The following ACSF3 variants were observed in gnomAD, a reference collection of about 807,000 sequenced individuals.
The protein encoded by ACSF3 is malonate--CoA ligase ACSF3, mitochondrial.
ACSF3 carries 78 observed loss-of-function variants against 53.2 expected under a neutral mutation model. That is an observed-to-expected ratio of 1.47 (90% CI 1.22 to 1.77). ACSF3 has a LOEUF of 1.77. Ranked by LOEUF, ACSF3 falls within the 40% of genes most tolerant of loss-of-function variation. The pLI is 0.00. For synonymous variants in ACSF3, 414 were observed against 333.1 expected, an observed-to-expected ratio of 1.24 and a Z score of -2.65; for missense variants, 937 against 771.1, an observed-to-expected ratio of 1.22 and a Z score of -2.55.
intron 10 of ACSF3, chr16:89,147,797 T>A: frequency 6.6e-6 from 1 of 152,130 alleles, no homozygotes; most frequent in Non-Finnish European, 1.5e-5. Context: ...AAATCTTACG[T>A]CCTTTTTACA....
chr16:89,120,936 G>C, intron 7 of ACSF3, 23 bp downstream of exon 7: 1 of 1,607,228 alleles, frequency 6.2e-7, no homozygotes, highest in African/African-American at 1.3e-5. Flanking sequence ...GCTCTTGGCA[G>C]GTGGGCGGCC....
Position 89,112,173 on chromosome 16 carries a change from G to A in ACSF3, c.904G>A (p.Glu302Lys). 1 of 1,303,212 alleles carries A rather than the reference G, an allele frequency of 7.7e-7. No homozygotes were observed. Among genetic ancestry groups the A allele is most frequent in the East Asian group, 3.0e-5 (1 of 33,138 alleles). The allele number at this position is 1,303,212 out of a possible 1,614,324, so 80.7% of individuals were successfully genotyped here. The stretch of plus-strand genomic sequence containing the variant: ...GCCTACAATATACACCAAGCTGATG[G>A]AGTACTACGACAGGCATTTTACCCA... ...AVPTIYTKLM[E>K]YYDRHFTQPH... is the part of the protein sequence containing the mutation. The change falls in exon 5 of 11, where the codon GAG (glutamate) becomes AAG (lysine). Residue 302 changes from glutamate (E) to lysine (K), a missense_variant. Physicochemically the swap from Glu to Lys is moderately conservative, Grantham distance 56. Coordinates refer to ENST00000614302, the MANE Select transcript of ACSF3 (RefSeq NM_001243279.3).
At chr16:89,136,854 A>G (rs1910598548) in intron 8 of ACSF3, 1 of 1,279,766 alleles carries the variant, frequency 7.8e-7, no homozygotes, top group African/African-American at 1.5e-5. Flanking sequence ...GGCCACAACG[A>G]TGTCTTCAGA....
Position 89,146,000 on chromosome 16 carries a change from C to G in ACSF3, c.1564C>G (p.Leu522Val). 1 of 1,613,750 alleles carries G rather than the reference C, an allele frequency of 6.2e-7. No homozygotes were observed. The highest frequency in any genetic ancestry group is 8.5e-7 in the Non-Finnish European group (1 of 1,179,896). Residue 522 changes from leucine to valine, a missense_variant, in exon 10 of 11, where the codon CTC (leucine) becomes GTC (valine). Transcript: ENST00000614302. ...CCAGCGGGTCACTGCTGTGGTGACC[C>G]TCCGAGAAGGACACTCACTGTCCCA... ...WGQRVTAVVT[L>V]REGHSLSHRE... is the part of the protein sequence containing the mutation.
At chr16:89,135,377 A>G (rs965549150) in intron 8 of ACSF3, among the ~76,000 whole-genome samples, 3 of 152,220 alleles carry the variant, frequency 2.0e-5, no homozygotes, top group Non-Finnish European at 2.9e-5. Flanking sequence ...GCTGTGAGGC[A>G]GGTGTGCTAG....
At chr16:89,096,216 T>C (rs1252892720) in intron 1 of ACSF3, among the ~76,000 whole-genome samples, 1 of 124,550 alleles carries the variant, frequency 8.0e-6, no homozygotes, top group Admixed American at 8.9e-5. Flanking sequence ...GGGTGCTGCG[T>C]AGCAGGGGTA....
intron 4 of ACSF3, 76 bp downstream of exon 4, chr16:89,102,835 C>T (rs1290900759): frequency 1.0e-5 from 16 of 1,575,568 alleles, no homozygotes; most frequent in African/African-American, 9.4e-5. Context: ...GGCTCTCAGC[C>T]GCGCCCTCAG....
intron 7 of ACSF3, among the ~76,000 whole-genome samples, chr16:89,126,148 T>C (rs1015525817): frequency 4.6e-5 from 7 of 152,240 alleles, no homozygotes; most frequent in African/African-American, 1.7e-4. Context: ...AGCATATAGA[T>C]GCTGTACTTG....
At chr16:89,116,672 CG>C (rs1905171850) in intron 6 of ACSF3, among the ~76,000 whole-genome samples, 1 of 152,028 alleles carries the variant, frequency 6.6e-6, no homozygotes, top group Admixed American at 6.6e-5. Context: ...GGGCAGTGGG[CG>C]GGTGGGGGCA....
intron 4 of ACSF3, 80 bp downstream of exon 4, chr16:89,102,839 C>G (rs1567688541): frequency 1.3e-6 from 2 of 1,572,430 alleles, no homozygotes; most frequent in East Asian, 4.5e-5. Flanking sequence ...CTCAGCCGCG[C>G]CCTCAGCCTA....
At chr16:89,126,799 AC>A (rs1421191214) in intron 7 of ACSF3, among the ~76,000 whole-genome samples, 1 of 152,224 alleles carries the variant, frequency 6.6e-6, no homozygotes, top group Non-Finnish European at 1.5e-5. Context: ...CAAAGCCCTG[AC>A]TAGGACTTCC....
At position 89,155,515 on chromosome 16, in the gene ACSF3, C is replaced by G. The variant is rs187126304; in HGVS notation, c.*1308C>G. 1,288 of 454,136 alleles carry G rather than the reference C, an allele frequency of 2.8e-3. 4 individuals are homozygous for G. Among genetic ancestry groups the G allele is most frequent in the Non-Finnish European group, 4.1e-3 (921 of 226,788 alleles). 28.1% of individuals were successfully genotyped at this position (454,136 alleles called of 1,614,324 possible). A position where few individuals can be genotyped will look rare whatever the true frequency, so the allele number is the denominator to read the frequency against. On this transcript the variant is annotated 3_prime_UTR_variant, in exon 11 of 11. Transcript: ENST00000614302. ...TGTTTTCCAGGACTGGTGGGTGCCCCAGTCCACGGCCCTGCCCCACCCGAA... is the reference window on the plus strand; with the variant it reads ...TGTTTTCCAGGACTGGTGGGTGCCCGAGTCCACGGCCCTGCCCCACCCGAA...
intron 5 of ACSF3, 41 bp from the exon 6 acceptor site, chr16:89,114,298 C>G: frequency 6.2e-7 from 1 of 1,612,466 alleles, no homozygotes; most frequent in Non-Finnish European, 8.5e-7. Flanking sequence ...GCGAGAGCCA[C>G]GTCCCAAGGG....
rs952400768 is a variant in ACSF3 at position 89,155,865 on chromosome 16, C to G, written c.*1658C>G. 1.2e-4 allele frequency: 49 copies of G among 424,372 alleles called. 1 individual carries two copies. Among genetic ancestry groups the G allele is most frequent in the African/African-American group, 9.3e-4 (45 of 48,644 alleles). The allele number at this position is 424,372 out of a possible 1,614,324, so 26.3% of individuals were successfully genotyped here. On this transcript the variant is annotated 3_prime_UTR_variant, in exon 11 of 11. Transcript: ENST00000614302. ...CGATAGTATACATCAGTATATCATGCTTTCGAAATAATGAGTGTAACTTTC... is the reference window on the plus strand; with the variant it reads ...CGATAGTATACATCAGTATATCATGGTTTCGAAATAATGAGTGTAACTTTC...
chr16:89,102,940 G>C (rs1975537404), intron 4 of ACSF3, among the ~76,000 whole-genome samples, 181 bp downstream of exon 4: 1 of 152,224 alleles, frequency 6.6e-6, no homozygotes, highest in Admixed American at 6.5e-5. Flanking sequence ...ATCCACAGGG[G>C]ACGTGCCAAT....
At position 89,101,236 on chromosome 16, in the gene ACSF3, C is replaced by T. The variant is rs1260446910; in HGVS notation, c.555C>T (p.Val185=). The change falls in exon 3 of 11, where the codon GTC becomes GTT. Residue 185 remains valine, a synonymous_variant. Transcript: ENST00000614302. ...GAGCAGTAGAGGAACCGGCAGAGGT[C>T]CCGGTCCCAGAGCAGGGATGGAGGA... is the stretch of plus-strand genomic sequence containing the variant. ...YTGAVEEPAE[V]PVPEQGWRNK... is the part of the protein sequence containing the mutation. The T allele has an allele frequency of 1.2e-6, 2 of 1,600,370 alleles. No individual in the cohort carries two copies. Among genetic ancestry groups the T allele is most frequent in the Admixed American group, 3.5e-5 (2 of 56,924 alleles).
At chr16:89,127,613 C>T (rs550423159) in intron 7 of ACSF3, among the ~76,000 whole-genome samples, 1 of 152,106 alleles carries the variant, frequency 6.6e-6, no homozygotes, top group Non-Finnish European at 1.5e-5. Context: ...GTGATTCTCC[C>T]TCCTCGCCTC....
intron 8 of ACSF3, 36 bp downstream of exon 8, chr16:89,133,298 G>T (rs768004632): frequency 6.2e-7 from 1 of 1,613,086 alleles, no homozygotes; most frequent in African/African-American, 1.3e-5. Flanking sequence ...AGGAGACCCC[G>T]AGGGGACAGG....
intron 10 of ACSF3, chr16:89,147,700 C>T (rs1913367187): frequency 6.6e-6 from 1 of 152,218 alleles, no homozygotes. Context: ...CACCAGGTCG[C>T]TCCTCCAACA....
Sources: gnomAD v4.1 joint callset for allele counts (sites outside exome capture counted in the v4.1 genomes callset) on GRCh38, gnomAD v4.1.1 for gene constraint, MANE v1.5 for transcripts, NCBI Gene and HGNC (gene_info 2026-07-23, HGNC 2026-07-21) for gene names.